The following CHD8 variants were observed in gnomAD, a reference collection of about 807,000 sequenced individuals.
CHD8 encodes the protein chromodomain helicase DNA binding protein 8.
A neutral mutation model predicts 279.2 loss-of-function variants in CHD8; 31 were observed. The observed-to-expected ratio is 0.11, with a 90% CI of 0.08 to 0.15. The LOEUF is 0.15. CHD8 is among the 10% of genes least tolerant of loss of function. The probability of loss-of-function intolerance (pLI) is 1.00; values close to 1 mark genes in which losing one functional copy is unlikely to be tolerated. For missense variants in CHD8, 2,146 were observed against 3,230.5 expected, an observed-to-expected ratio of 0.66 and a Z score of 8.14; for synonymous variants, 1,081 against 1,139.6, an observed-to-expected ratio of 0.95 and a Z score of 1.04.
intron 16 of CHD8, among the ~76,000 whole-genome samples, chr14:21,404,534 T>C (rs988612888): frequency 2.6e-5 from 4 of 151,448 alleles, no homozygotes; most frequent in Non-Finnish European, 5.9e-5. Context: ...GAACACACTA[T>C]CAGCACCCAA....
Position 21,408,585 on chromosome 14 carries a change from G to A in CHD8, c.2487-30C>T. The A allele has an allele frequency of 1.3e-6, 2 of 1,589,908 alleles. No individual in the cohort carries two copies. Among genetic ancestry groups the A allele is most frequent in the African/African-American group, 1.4e-5 (1 of 72,826 alleles). The stretch of plus-strand genomic sequence containing the variant: ...AGATTCACCATGGGAAAAAAAAAAT[G>A]TTAAAAGATACTATCTTTAAAAAAA... On this transcript the variant is annotated intron_variant, in intron 12 of 37. Coordinates refer to ENST00000646647, the MANE Select transcript of CHD8 (RefSeq NM_001170629.2). The surrounding 1 kb of genome is among the most constrained non-coding windows in gnomAD (Gnocchi z 4.3).
At chr14:21,387,809 CAAAAAAA>C (rs34063784) in intron 37 of CHD8, among the ~76,000 whole-genome samples, 6 of 76,170 alleles carry the variant, frequency 7.9e-5, no homozygotes, top group Non-Finnish European at 1.3e-4. Context: ...CTGTCTCAAG[CAAAAAAA>C]AAAAAAAAAA....
chr14:21,412,439 T>C (rs1048651045), intron 10 of CHD8, among the ~76,000 whole-genome samples: 1 of 152,150 alleles, frequency 6.6e-6, no homozygotes, highest in African/African-American at 2.4e-5. Context: ...CCACCGCGCC[T>C]GGCCAGCAGA....
Position 21,390,982 on chromosome 14 carries a change from G to T in CHD8, c.7147C>A (p.Pro2383Thr). The T allele has an allele frequency of 6.2e-7, 1 of 1,604,338 alleles. No homozygotes were observed. Among genetic ancestry groups the T allele is most frequent in the Non-Finnish European group, 8.5e-7 (1 of 1,174,650 alleles). ...TTTCTAGAGTTAGCTGTCTGTACTG[G>T]TTCCATTCCCAAACAGTTCAATTCT... The part of the protein sequence containing the change: ...KAELNCLGME[P>T]VQTANSRNGK... The change falls in exon 37 of 38, where the codon CCA (proline) becomes ACA (threonine). Residue 2383 changes from proline (P) to threonine (T), a missense_variant. Around this residue, in one of 26 missense-constraint regions of CHD8, gnomAD observed 336 missense variants for 392.9 expected, o/e 0.86. Transcript: ENST00000646647.
chr14:21,403,239 G>T lies in CHD8; in HGVS notation c.3519-27C>A. The T allele has an allele frequency of 6.2e-7, 1 of 1,604,812 alleles. No individual in the cohort carries two copies. ...TGTATGGGAATCGCAGAAAAAAAAT[G>T]TAAGTGGCTAAGCAGAAGTGGAGAC... On this transcript the variant is annotated intron_variant, in intron 17 of 37. Coordinates refer to ENST00000646647, the MANE Select transcript of CHD8 (RefSeq NM_001170629.2). The surrounding 1 kb of genome is among the most constrained non-coding windows in gnomAD (Gnocchi z 4.3).
intron 37 of CHD8, among the ~76,000 whole-genome samples, chr14:21,387,638 C>CA (rs34278173): frequency 0.47 from 32,217 of 68,322 alleles, 7,563 homozygotes; most frequent in South Asian, 0.51. Context: ...AACTCTGTAT[C>CA]AAAAAAAAAA....
At chr14:21,453,864 G>A (rs1380102383) in intron 1 of CHD8, among the ~76,000 whole-genome samples, 4 of 151,756 alleles carry the variant, frequency 2.6e-5, no homozygotes, top group Non-Finnish European at 4.4e-5. Context: ...TTAATCTTAA[G>A]TGGTAATTTT....
In CHD8 at chr14:21,400,900, C is replaced by A; in HGVS notation, c.4345G>T (p.Val1449Leu). 6.2e-7 allele frequency: 1 copy of A among 1,612,276 alleles called. No individual in the cohort carries two copies. The highest frequency in any genetic ancestry group is 8.5e-7 in the Non-Finnish European group (1 of 1,179,084). ...HAYGRTDCFR[V>L]EKHLLVYGWG... Reference sequence around the variant, plus strand: ...CCATATACCAGGAGATGCTTTTCCACCCGAAAGCAGTCAGTGCGCCCATAG... The same window carrying A: ...CCATATACCAGGAGATGCTTTTCCAACCGAAAGCAGTCAGTGCGCCCATAG... The change falls in exon 22 of 38, where the codon GTG (valine) becomes TTG (leucine). Residue 1449 changes from valine to leucine, a missense_variant. Coordinates refer to ENST00000646647, the MANE Select transcript of CHD8 (RefSeq NM_001170629.2). The surrounding 1 kb of genome is among the most constrained non-coding windows in gnomAD (Gnocchi z 4.2).
intron 1 of CHD8, chr14:21,436,895 C>T: frequency 7.9e-7 from 1 of 1,262,954 alleles, no homozygotes; most frequent in South Asian, 1.2e-5. Context: ...GACCCGGGTA[C>T]ATTACCTGCT....
At chr14:21,424,739 G>A (rs946323208) in intron 5 of CHD8, among the ~76,000 whole-genome samples, 1 of 152,166 alleles carries the variant, frequency 6.6e-6, no homozygotes, top group Non-Finnish European at 1.5e-5. Flanking sequence ...CCAAAGTGCT[G>A]GGATTACAGG....
intron 1 of CHD8, among the ~76,000 whole-genome samples, chr14:21,455,543 G>A (rs1890366849): frequency 6.6e-6 from 1 of 152,046 alleles, no homozygotes; most frequent in Non-Finnish European, 1.5e-5. Flanking sequence ...CTGAGAATGA[G>A]TAACAATCTG....
In CHD8 at chr14:21,428,036, C is replaced by T. The variant is rs1335176927; in HGVS notation, c.1434G>A (p.Gln478=). 1.2e-6 allele frequency: 2 copies of T among 1,614,062 alleles called. No individual in the cohort carries two copies. Among genetic ancestry groups the T allele is most frequent in the East Asian group, 2.2e-5 (1 of 44,890 alleles). The change falls in exon 4 of 38, where the codon CAG becomes CAA. Residue 478 remains glutamine, a synonymous_variant. Transcript: ENST00000646647. ...AIARARARGE[Q]NIPRVLNEDE... ...CCTCATTTAAGACTCGAGGTATGTTCTGCTCACCGCGGGCACGGGCTCTCG... is the reference window on the plus strand; with the variant it reads ...CCTCATTTAAGACTCGAGGTATGTTTTGCTCACCGCGGGCACGGGCTCTCG...
At position 21,415,889 on chromosome 14, in the gene CHD8, G is replaced by T; in HGVS notation, c.1735C>A (p.Gln579Lys). Residue 579 changes from glutamine to lysine, a missense_variant, in exon 6 of 38, where the codon CAA becomes AAA. Gln to Lys is a moderately conservative substitution (Grantham distance 53). Coordinates refer to ENST00000646647, the MANE Select transcript of CHD8 (RefSeq NM_001170629.2). ...TCTGTATATTTTTTTCGCTTAACTT[G>T]GCGGTTTGAGCGTCTCTTCTGTAGA... is the stretch of plus-strand genomic sequence containing the variant. ...SSIQKRRSNR[Q>K]VKRKKYTEDL... 6.2e-7 allele frequency: 1 copy of T among 1,612,890 alleles called. No individual in the cohort carries two copies. The highest frequency in any genetic ancestry group is 1.1e-5 in the South Asian group (1 of 90,926).
In CHD8 at chr14:21,403,634, G is replaced by A. The variant is rs749785996; in HGVS notation, c.3337C>T (p.Arg1113Cys). 6.2e-6 allele frequency: 10 copies of A among 1,600,104 alleles called. No individual in the cohort carries two copies. Among genetic ancestry groups the A allele is most frequent in the African/African-American group, 1.3e-5 (1 of 74,680 alleles). The change falls in exon 17 of 38, where the codon CGT becomes TGT. Residue 1113 changes from arginine (R) to cysteine (C), a missense_variant. Arg to Cys is a radical substitution (Grantham distance 180). Around this residue, in one of 26 missense-constraint regions of CHD8, gnomAD observed 30 missense variants for 28.4 expected, o/e 1.06. Transcript: ENST00000646647. This position sits in a 1 kb window ranked among gnomAD's most constrained non-coding sequence, Gnocchi z 4.3. ...GAEEKILTEF[R>C]EACHIIPHDF... is the part of the protein sequence containing the mutation. ...TGAGGTATAATATGGCAAGCTTCAC[G>A]GAATTCTGTTAGGATTTTTTCTTCA...
intron 11 of CHD8, among the ~76,000 whole-genome samples, chr14:21,409,508 T>C (rs566745983): frequency 4.6e-5 from 7 of 152,310 alleles, no homozygotes; most frequent in African/African-American, 1.4e-4. Context: ...TTGGTACCAA[T>C]GACTTGATGA....
At chr14:21,448,727 T>C (rs1337678372) in intron 1 of CHD8, among the ~76,000 whole-genome samples, 1 of 151,912 alleles carries the variant, frequency 6.6e-6, no homozygotes, top group African/African-American at 2.4e-5. Flanking sequence ...TGGCTAATTT[T>C]TTTTTTTTAA....
chr14:21,400,999 G>A lies in CHD8; in HGVS notation c.4246C>T (p.Leu1416=), dbSNP rs1290323827. ...CTTTCCAAATCAGAGAATTCCACCA[G>A]GTCATCATCTTTCAGAGTGCTAAAG... ...RHFSTLKDDD[L]VEFSDLESED... Residue 1416 remains leucine, a synonymous_variant, in exon 22 of 38, where the codon CTG becomes TTG. Transcript: ENST00000646647. This position sits in a 1 kb window ranked among gnomAD's most constrained non-coding sequence, Gnocchi z 4.2. 6.2e-7 allele frequency: 1 copy of A among 1,613,940 alleles called. No homozygotes were observed. Among genetic ancestry groups the A allele is most frequent in the Non-Finnish European group, 8.5e-7 (1 of 1,179,852 alleles).
chr14:21,385,551 C>T lies in CHD8; in HGVS notation c.*62G>A. 2 of 1,501,980 alleles carry T rather than the reference C, an allele frequency of 1.3e-6. No homozygotes were observed. The highest frequency in any genetic ancestry group is 1.8e-6 in the Non-Finnish European group (2 of 1,124,996). The allele number at this position is 1,501,980 out of a possible 1,614,324, so 93.0% of individuals were successfully genotyped here. ...CCTGCCCCTCCCACGTTTCCATAGTCCAAGGGCCAGAGTAAATGAAAATAC... is the reference window on the plus strand; with the variant it reads ...CCTGCCCCTCCCACGTTTCCATAGTTCAAGGGCCAGAGTAAATGAAAATAC... On this transcript the variant is annotated 3_prime_UTR_variant, in exon 38 of 38. Coordinates refer to ENST00000646647, the MANE Select transcript of CHD8 (RefSeq NM_001170629.2).
intron 1 of CHD8, among the ~76,000 whole-genome samples, chr14:21,449,953 G>A (rs765178236): frequency 6.6e-6 from 1 of 152,166 alleles, no homozygotes; most frequent in Non-Finnish European, 1.5e-5. Flanking sequence ...TTTTATAGGA[G>A]AATTGATATG....
Sources: gnomAD v4.1 joint callset for allele counts (sites outside exome capture counted in the v4.1 genomes callset) on GRCh38, gnomAD v4.1.1 for gene constraint, gnomAD v4.1.1 regional missense constraint, Gnocchi (gnomAD v3.1) non-coding constraint, MANE v1.5 for transcripts, NCBI Gene and HGNC (gene_info 2026-07-23, HGNC 2026-07-21) for gene names.